FNDC3A: variants seen among roughly 807,000 people sequenced by gnomAD.
FNDC3A encodes fibronectin type-III domain-containing protein 3A.
FNDC3A carries 32 observed loss-of-function variants against 148.9 expected under a neutral mutation model. The ratio of observed to expected loss-of-function variants is 0.21; its 90% CI spans 0.16 to 0.29. The LOEUF (loss-of-function observed/expected upper bound fraction) is 0.29, where lower values mean the gene tolerates loss of function less well. Ranked by LOEUF, FNDC3A falls within the 10% of genes least tolerant of loss-of-function variation. The pLI is 1.00. For synonymous variants in FNDC3A, 472 were observed against 473.6 expected, an observed-to-expected ratio of 1.00 and a Z score of 0.04; for missense variants, 1,191 against 1,452.8, an observed-to-expected ratio of 0.82 and a Z score of 2.93.
intron 8 of FNDC3A, among the ~76,000 whole-genome samples, chr13:49,158,230 G>A (rs189819374): frequency 5.6e-4 from 85 of 152,298 alleles, no homozygotes; most frequent in African/African-American, 1.6e-3. Flanking sequence ...GTGGTGCGCC[G>A]TTTTTTAAGC....
intron 3 of FNDC3A, among the ~76,000 whole-genome samples, chr13:49,087,235 T>C (rs1000148675): frequency 2.0e-5 from 3 of 152,174 alleles, no homozygotes; most frequent in Admixed American, 1.3e-4. Context: ...AATTTTTTAA[T>C]GACTGATGAC....
intron 3 of FNDC3A, among the ~76,000 whole-genome samples, chr13:49,085,535 A>G (rs1353521668): frequency 6.6e-6 from 1 of 152,158 alleles, no homozygotes; most frequent in African/African-American, 2.4e-5. Context: ...CAGGGCTTTG[A>G]TATTAGAAAT....
chr13:48,977,548 T>C (rs1207649393), intron 1 of FNDC3A, among the ~76,000 whole-genome samples: 2 of 152,216 alleles, frequency 1.3e-5, no homozygotes, highest in Admixed American at 6.5e-5. Context: ...ATCCCCTGTC[T>C]TTTGGATATT....
intron 5 of FNDC3A, among the ~76,000 whole-genome samples, chr13:49,134,411 T>G (rs1339277687): frequency 1.3e-5 from 2 of 152,212 alleles, no homozygotes; most frequent in Admixed American, 6.5e-5. Context: ...AATATTGCAT[T>G]CTGTTGATTA....
At chr13:49,073,834 A>G (rs1244653509) in intron 2 of FNDC3A, among the ~76,000 whole-genome samples, 5 of 147,194 alleles carry the variant, frequency 3.4e-5, no homozygotes, top group South Asian at 4.2e-4. Flanking sequence ...TATTATATAT[A>G]TGTGTGTATA....
chr13:49,123,634 G>T (rs537545413), intron 4 of FNDC3A, among the ~76,000 whole-genome samples: 1 of 149,578 alleles, frequency 6.7e-6, no homozygotes, highest in African/African-American at 2.5e-5. Flanking sequence ...AATATACAAA[G>T]AACTTAAACA....
intron 19 of FNDC3A, 39 bp from the exon 20 acceptor site, chr13:49,196,838 G>A (rs770719965): frequency 1.8e-6 from 2 of 1,089,384 alleles, no homozygotes; most frequent in Non-Finnish European, 2.8e-6. Context: ...GACATTTAAG[G>A]GTGAAAAATA....
In FNDC3A at chr13:49,189,051, CA is replaced by C. The variant is rs939306108; in HGVS notation, c.1944+424del. ...TCTACTTTCTAATATTTACTTACTTCAAAAAAGTTGGCCATTATTTTATTAT... is the reference window on the plus strand; with the variant it reads ...TCTACTTTCTAATATTTACTTACTTCAAAAAGTTGGCCATTATTTTATTAT... On this transcript the variant is annotated intron_variant, in intron 17 of 25. Coordinates refer to ENST00000492622, the MANE Select transcript of FNDC3A (RefSeq NM_001079673.2). Among the ~76,000 whole-genome samples, 50 of 152,000 alleles carry C rather than the reference CA, an allele frequency of 3.3e-4. 1 individual carries two copies. The highest frequency in any genetic ancestry group is 1.6e-3 in the Admixed American group (24 of 15,266).
intron 3 of FNDC3A, among the ~76,000 whole-genome samples, chr13:49,077,760 C>T (rs1490679624): frequency 1.3e-5 from 2 of 152,168 alleles, no homozygotes; most frequent in Non-Finnish European, 2.9e-5. Flanking sequence ...CAAACCTGCA[C>T]ATTCTGCACA....
chr13:49,175,219 TAAAGAGATCAAACCC>T, intron 12 of FNDC3A, 133 bp from the exon 13 acceptor site: 2 of 513,158 alleles, frequency 3.9e-6, no homozygotes, highest in South Asian at 7.4e-5. Flanking sequence ...CTGGTTATCA[TAAAGAGATCAAACCC>T]AAGATATATT....
intron 14 of FNDC3A, among the ~76,000 whole-genome samples, chr13:49,181,764 T>A (rs1035046589): frequency 3.3e-5 from 5 of 149,744 alleles, no homozygotes; most frequent in African/African-American, 1.0e-4. Context: ...AAAAAAAAAA[T>A]AATCCAGGAA....
At position 48,998,227 on chromosome 13, in the gene FNDC3A, A is replaced by G. The variant is rs543800604; in HGVS notation, c.-39-7925A>G. Among the ~76,000 whole-genome samples the G allele has an allele frequency of 2.0e-5, 3 of 152,294 alleles. No individual in the cohort carries two copies. The East Asian group carries it at 5.8e-4, about 29-fold the overall frequency. On this transcript the variant is annotated intron_variant, in intron 1 of 25. Coordinates refer to ENST00000492622, the MANE Select transcript of FNDC3A (RefSeq NM_001079673.2). ...ACTGTTAAATTGGGTGTTTAGGTAA[A>G]GAGATTTCTAAGCCAAGTGTTGAAG...
chr13:49,197,602 A>T (rs1886215761), intron 20 of FNDC3A, 123 bp from the exon 21 acceptor site: 1 of 740,554 alleles, frequency 1.4e-6, no homozygotes, highest in Non-Finnish European at 2.2e-6. Flanking sequence ...GATTGTGCTT[A>T]AAAGTTTTAA....
At chr13:49,130,982 T>C (rs1350209526) in intron 4 of FNDC3A, among the ~76,000 whole-genome samples, 155 bp from the exon 5 acceptor site, 6 of 152,128 alleles carry the variant, frequency 3.9e-5, no homozygotes, top group African/African-American at 1.4e-4. Flanking sequence ...TCCAGGCTGT[T>C]CTCGAACTCC....
chr13:49,126,825 T>A (rs1881727673), intron 4 of FNDC3A, among the ~76,000 whole-genome samples: 1 of 152,200 alleles, frequency 6.6e-6, no homozygotes, highest in African/African-American at 2.4e-5. Context: ...AACTTAACAT[T>A]TAAATTATAG....
Position 49,109,104 on chromosome 13 carries a change from G to A in FNDC3A, c.176-5551G>A, listed in dbSNP as rs377246208. Reference sequence around the variant, plus strand: ...TTACTCTGCTTCAGTTTTCTTACCTGGAAATGATGCTCACTTCACTTGTTA... The same window carrying A: ...TTACTCTGCTTCAGTTTTCTTACCTAGAAATGATGCTCACTTCACTTGTTA... On this transcript the variant is annotated intron_variant, in intron 3 of 25. Coordinates refer to ENST00000492622, the MANE Select transcript of FNDC3A (RefSeq NM_001079673.2). Among the ~76,000 whole-genome samples the A allele has an allele frequency of 7.9e-5, 12 of 152,226 alleles. 1 individual carries two copies. The East Asian group carries it at 1.7e-3, about 22-fold the overall frequency.
chr13:49,203,820 A>G (rs1886525843), intron 25 of FNDC3A, among the ~76,000 whole-genome samples: 1 of 152,188 alleles, frequency 6.6e-6, no homozygotes. Context: ...TAAAGGAGCC[A>G]ATATGACTGG....
chr13:48,994,726 C>T (rs566308255), intron 1 of FNDC3A, among the ~76,000 whole-genome samples: 3 of 151,240 alleles, frequency 2.0e-5, no homozygotes, highest in Non-Finnish European at 2.9e-5. Context: ...TGCAGTGAGC[C>T]GAGATGTGCC....
intron 2 of FNDC3A, chr13:49,046,273 T>C (rs767723374): frequency 6.3e-6 from 1 of 157,914 alleles, no homozygotes; most frequent in Non-Finnish European, 1.4e-5. Flanking sequence ...AACAACTCTT[T>C]GTAAACTGAG....
Sources: allele counts gnomAD v4.1 joint callset (sites outside exome capture counted in the v4.1 genomes callset), GRCh38; gene constraint gnomAD v4.1.1; transcripts MANE v1.5; gene names NCBI Gene and HGNC (gene_info 2026-07-23, HGNC 2026-07-21).